ARG2: variants seen among roughly 807,000 people sequenced by gnomAD.
ARG2 encodes the protein arginase-2, mitochondrial.
A neutral mutation model predicts 39.4 loss-of-function variants in ARG2; 21 were observed. The ratio of observed to expected loss-of-function variants is 0.53; its 90% CI spans 0.38 to 0.77. ARG2 has a LOEUF of 0.77. Ranked by LOEUF, ARG2 falls within the 30% of genes least tolerant of loss-of-function variation. The pLI, the probability that ARG2 is intolerant of heterozygous loss-of-function variation, is 0.00. For synonymous variants in ARG2, 150 were observed against 156.7 expected, an observed-to-expected ratio of 0.96 and a Z score of 0.32; for missense variants, 378 against 426.2, an observed-to-expected ratio of 0.89 and a Z score of 1.00.
intron 6 of ARG2, chr14:67,647,820 A>C: frequency 1.8e-6 from 1 of 542,938 alleles, no homozygotes; most frequent in Non-Finnish European, 3.3e-6. Context: ...TGTCTGAGGT[A>C]TGCAGAACAA....
At chr14:67,626,758 CCACA>C (rs1223802026) in intron 2 of ARG2, among the ~76,000 whole-genome samples, 60 of 152,112 alleles carry the variant, frequency 3.9e-4, no homozygotes, top group Admixed American at 3.9e-3. Flanking sequence ...TTGCACCTGG[CCACA>C]CACAAACTTA....
chr14:67,624,263 T>G (rs2036840262), intron 2 of ARG2, among the ~76,000 whole-genome samples: 1 of 147,264 alleles, frequency 6.8e-6, no homozygotes, highest in Non-Finnish European at 1.5e-5. Context: ...AATTTGCACT[T>G]TAATGGGAAA....
intron 3 of ARG2, among the ~76,000 whole-genome samples, chr14:67,645,327 T>C (rs2037083644): frequency 6.6e-6 from 1 of 152,174 alleles, no homozygotes. Flanking sequence ...CTTGATTTCA[T>C]TCATTGAACA....
chr14:67,620,872 G>A (rs781144339), intron 1 of ARG2, 22 bp from the exon 2 acceptor site: 2 of 1,613,660 alleles, frequency 1.2e-6, no homozygotes, highest in Admixed American at 1.7e-5. Context: ...ACCTCTAATT[G>A]TGTAATTTGT....
intron 2 of ARG2, among the ~76,000 whole-genome samples, chr14:67,637,430 AAAAG>A (rs2036985038): frequency 6.9e-6 from 1 of 144,128 alleles, no homozygotes; most frequent in Non-Finnish European, 1.6e-5. Context: ...AAAAAAAAAA[AAAAG>A]AACTTTAATA....
chr14:67,634,530 G>A (rs1371066196), intron 2 of ARG2, among the ~76,000 whole-genome samples: 1 of 150,782 alleles, frequency 6.6e-6, no homozygotes, highest in East Asian at 1.9e-4. Context: ...GGAGATGGAG[G>A]CTGCAGTGAG....
intron 2 of ARG2, among the ~76,000 whole-genome samples, chr14:67,632,694 A>G (rs895729210): frequency 8.6e-5 from 13 of 151,634 alleles, no homozygotes; most frequent in African/African-American, 3.2e-4. Flanking sequence ...TGAGAGGCCT[A>G]TTTAGTCATT....
At chr14:67,621,717 T>C (rs2036812408) in intron 2 of ARG2, among the ~76,000 whole-genome samples, 1 of 151,238 alleles carries the variant, frequency 6.6e-6, no homozygotes, top group Non-Finnish European at 1.5e-5. Context: ...AGTGCTGAGA[T>C]TATAGGTGTG....
rs780015756 is a variant in ARG2, at chr14:67,647,020, T to A, written c.717T>A (p.Ile239=). The A allele has an allele frequency of 6.2e-7, 1 of 1,605,482 alleles. No individual in the cohort carries two copies. The highest frequency in any genetic ancestry group is 8.5e-7 in the Non-Finnish European group (1 of 1,172,636). Residue 239 remains isoleucine, a synonymous_variant, in exon 6 of 8, where the codon ATT becomes ATA. Transcript: ENST00000261783. ...KVMERTFDLL[I]GKRQRPIHLS... is the part of the protein sequence containing the mutation. ...TGGAACGAACATTTGATCTGCTGAT[T>A]GGCAAGTAAGTAACTATAACTGATG...
In ARG2 at chr14:67,624,251, G is replaced by T. The variant is rs146221942; in HGVS notation, c.184+3285G>T. On this transcript the variant is annotated intron_variant, in intron 2 of 7. Transcript: ENST00000261783. ...TTCTCCAGTTTTTCAAGAAAAGCCA[G>T]AAATTTGCACTTTAATGGGAAATCT... Among the ~76,000 whole-genome samples, 622 of 151,570 alleles carry T rather than the reference G, an allele frequency of 4.1e-3. 5 individuals are homozygous for T. Among genetic ancestry groups the T allele is most frequent in the African/African-American group, 0.014 (590 of 41,092 alleles).
chr14:67,636,491 A>C (rs908951367), intron 2 of ARG2, among the ~76,000 whole-genome samples: 1 of 152,228 alleles, frequency 6.6e-6, no homozygotes, highest in Non-Finnish European at 1.5e-5. Context: ...GACAATTATT[A>C]TCCATTTCCT....
At position 67,651,280 on chromosome 14, in the gene ARG2, T is replaced by C. The variant is rs1196911965; in HGVS notation, c.*360T>C. On this transcript the variant is annotated 3_prime_UTR_variant, in exon 8 of 8. Transcript: ENST00000261783. The stretch of plus-strand genomic sequence containing the variant: ...ACAGCCTGGCTATACAGTGCATCCT[T>C]GAACTGTCAGCCCACAGCAGCAATA... 1.3e-6 allele frequency: 2 copies of C among 1,596,226 alleles called. No homozygotes were observed. The highest frequency in any genetic ancestry group is 2.7e-5 in the African/African-American group (2 of 74,608).
In ARG2 at chr14:67,645,579, G is replaced by T. The variant is rs556620807; in HGVS notation, c.363-64G>T. The T allele has an allele frequency of 1.4e-5, 21 of 1,555,290 alleles. No homozygotes were observed. The East Asian group carries it at 4.7e-4, about 35-fold the overall frequency. ...GAGAGTATAAGTTGTTTTGGCTGAG[G>T]ACGTTTGTTATCGGTCATGTTTGCC... On this transcript the variant is annotated intron_variant, in intron 3 of 7. Transcript: ENST00000261783.
intron 4 of ARG2, 48 bp from the exon 5 acceptor site, chr14:67,646,596 T>A: frequency 6.9e-7 from 1 of 1,453,940 alleles, no homozygotes; most frequent in Non-Finnish European, 9.6e-7. Flanking sequence ...ATGATCTTGG[T>A]GAGAACAAGA....
chr14:67,635,248 A>C (rs531380549), intron 2 of ARG2, among the ~76,000 whole-genome samples: 2 of 152,202 alleles, frequency 1.3e-5, no homozygotes, highest in Non-Finnish European at 2.9e-5. Context: ...TCTCAAAAAA[A>C]AGAGAAAAGG....
At chr14:67,625,757 G>A (rs200469562) in intron 2 of ARG2, among the ~76,000 whole-genome samples, 1 of 147,514 alleles carries the variant, frequency 6.8e-6, no homozygotes, top group Non-Finnish European at 1.5e-5. Context: ...AAGAGAAAAG[G>A]TAAAAAGACT....
chr14:67,640,365 A>G (rs2037017156), intron 2 of ARG2, among the ~76,000 whole-genome samples: 1 of 152,174 alleles, frequency 6.6e-6, no homozygotes, highest in Admixed American at 6.5e-5. Flanking sequence ...GGGTGACACA[A>G]GGGCTGGGGA....
At position 67,645,729 on chromosome 14, in the gene ARG2, C is replaced by T. The variant is rs1226067797; in HGVS notation, c.449C>T (p.Thr150Ile). Residue 150 changes from threonine to isoleucine, a missense_variant, in exon 4 of 8, where the codon ACA becomes ATA. By Grantham distance (89) the Thr-to-Ile change is moderately conservative (BLOSUM62 -1). Coordinates refer to ENST00000261783, the MANE Select transcript of ARG2 (RefSeq NM_001172.4). The stretch of plus-strand genomic sequence containing the variant: ...GTTGATGCCCATGCTGACATCAACA[C>T]ACCCCTTACCACTTCATCAGGAAAT... ...VWVDAHADIN[T>I]PLTTSSGNLH... 7 of 1,613,950 alleles carry T rather than the reference C, an allele frequency of 4.3e-6. No individual in the cohort carries two copies. The highest frequency in any genetic ancestry group is 2.7e-5 in the African/African-American group (2 of 74,916).
chr14:67,638,889 A>G (rs2037001093), intron 2 of ARG2, among the ~76,000 whole-genome samples: 1 of 152,238 alleles, frequency 6.6e-6, no homozygotes, highest in Admixed American at 6.5e-5. Context: ...TCCACTGTCT[A>G]GAAGCTTTTG....
Sources: allele counts gnomAD v4.1 joint callset (sites outside exome capture counted in the v4.1 genomes callset), GRCh38; gene constraint gnomAD v4.1.1; transcripts MANE v1.5; gene names NCBI Gene and HGNC (gene_info 2026-07-23, HGNC 2026-07-21).